PUS7: variants seen among roughly 807,000 people sequenced by gnomAD.
PUS7 encodes pseudouridine synthase 7, also known as pseudouridylate synthase 7 homolog.
Under a neutral mutation model 79.8 loss-of-function variants are expected in PUS7, and 48 were observed. The observed-to-expected ratio is 0.60, with a 90% CI of 0.48 to 0.76. The LOEUF (loss-of-function observed/expected upper bound fraction) is 0.76, where lower values mean the gene tolerates loss of function less well. PUS7 is among the 30% of genes least tolerant of loss of function. The pLI, the probability that PUS7 is intolerant of heterozygous loss-of-function variation, is 0.00. For synonymous variants in PUS7, 286 were observed against 272.2 expected (o/e 1.05, Z -0.50); for missense variants, 729 against 797.6 (o/e 0.91, Z 1.04).
intron 7 of PUS7, among the ~76,000 whole-genome samples, chr7:105,490,129 A>G (rs931636406): frequency 5.3e-5 from 8 of 151,708 alleles, no homozygotes; most frequent in Non-Finnish European, 1.0e-4. Flanking sequence ...AAAAAAAAAA[A>G]TCCGAGAAAC....
intron 1 of PUS7, among the ~76,000 whole-genome samples, chr7:105,516,400 T>G (rs933954144): frequency 6.6e-6 from 1 of 151,886 alleles, no homozygotes; most frequent in Admixed American, 6.6e-5. Flanking sequence ...CTCAAACTAG[T>G]GTCATTTTCG....
At chr7:105,516,876 A>G (rs1825916556) in intron 1 of PUS7, among the ~76,000 whole-genome samples, 1 of 152,118 alleles carries the variant, frequency 6.6e-6, no homozygotes, top group South Asian at 2.1e-4. Context: ...CCAAGGTGAG[A>G]GGCCCAAGGA....
At chr7:105,497,236 C>T (rs369772390) in intron 5 of PUS7, among the ~76,000 whole-genome samples, 1 of 152,260 alleles carries the variant, frequency 6.6e-6, no homozygotes, top group South Asian at 2.1e-4. Flanking sequence ...TGTTAGTTCA[C>T]GCTCAAAGCT....
At chr7:105,483,287 C>G (rs1824404806) in intron 7 of PUS7, among the ~76,000 whole-genome samples, 1 of 152,086 alleles carries the variant, frequency 6.6e-6, no homozygotes, top group Non-Finnish European at 1.5e-5. Context: ...CTCAGCCTCC[C>G]AAGTAGCTGG....
intron 9 of PUS7, among the ~76,000 whole-genome samples, chr7:105,472,554 T>C (rs1186925907): frequency 6.6e-6 from 1 of 152,048 alleles, no homozygotes; most frequent in African/African-American, 2.4e-5. Context: ...CTCATTAAAC[T>C]TAAAAGTAGG....
At chr7:105,497,887 T>C (rs1825100099) in intron 5 of PUS7, among the ~76,000 whole-genome samples, 1 of 152,228 alleles carries the variant, frequency 6.6e-6, no homozygotes, top group South Asian at 2.1e-4. Flanking sequence ...TCTATTTGAC[T>C]GCAAGTTTGA....
chr7:105,490,815 G>C (rs545123434), intron 7 of PUS7, among the ~76,000 whole-genome samples: 29 of 152,250 alleles, frequency 1.9e-4, no homozygotes, highest in African/African-American at 6.7e-4. Flanking sequence ...GTTCCCAATC[G>C]GGGGCAATTC....
intron 4 of PUS7, among the ~76,000 whole-genome samples, chr7:105,505,055 C>A (rs1228706188): frequency 6.8e-6 from 1 of 146,824 alleles, no homozygotes; most frequent in African/African-American, 2.5e-5. Flanking sequence ...GGCTGGAGTG[C>A]AGTGGTATGA....
intron 1 of PUS7, among the ~76,000 whole-genome samples, chr7:105,521,398 ATTTCAGCTTG>A (rs148152188): frequency 0.12 from 18,856 of 151,864 alleles, no homozygotes; most frequent in South Asian, 0.22. Context: ...GAGGACTCGA[ATTTCAGCTTG>A]CACAGCAGCA....
At chr7:105,515,085 C>T (rs186763554) in intron 1 of PUS7, among the ~76,000 whole-genome samples, 34 of 152,210 alleles carry the variant, frequency 2.2e-4, no homozygotes, top group Non-Finnish European at 4.1e-4. Flanking sequence ...TGAGCCACCG[C>T]GCCTGGCCTA....
At chr7:105,491,453 G>C in intron 7 of PUS7, 87 bp downstream of exon 7, 1 of 819,332 alleles carries the variant, frequency 1.2e-6, no homozygotes, top group Non-Finnish European at 1.9e-6. Flanking sequence ...AAAGCTGAGA[G>C]AGAAACCCCC....
chr7:105,480,634 GTCA>G (rs1824283406), intron 9 of PUS7, among the ~76,000 whole-genome samples: 1 of 152,082 alleles, frequency 6.6e-6, no homozygotes, highest in Non-Finnish European at 1.5e-5. Flanking sequence ...AAATTAGCCA[GTCA>G]TGGTGGCGCA....
intron 12 of PUS7, among the ~76,000 whole-genome samples, chr7:105,467,140 G>A (rs1823682359): frequency 6.7e-6 from 1 of 148,858 alleles, no homozygotes; most frequent in Non-Finnish European, 1.5e-5. Context: ...TAACACTGAG[G>A]CTTTAAACTA....
chr7:105,504,328 C>G (rs1825372424), intron 4 of PUS7, among the ~76,000 whole-genome samples: 1 of 152,082 alleles, frequency 6.6e-6, no homozygotes, highest in Non-Finnish European at 1.5e-5. Context: ...ACCTCGGCCT[C>G]CCAAAGTGCT....
chr7:105,502,358 C>T (rs961228946), intron 5 of PUS7, 62 bp downstream of exon 5: 17 of 1,596,452 alleles, frequency 1.1e-5, no homozygotes, highest in Admixed American at 3.5e-5. Flanking sequence ...GCAAGGCTAA[C>T]GAGGAGCGGG....
intron 11 of PUS7, chr7:105,470,161 T>A (rs1489877833): frequency 6.6e-6 from 1 of 152,196 alleles, no homozygotes; most frequent in Non-Finnish European, 1.5e-5. Flanking sequence ...CTAGGAAAAG[T>A]AAGACTTAGG....
intron 1 of PUS7, among the ~76,000 whole-genome samples, chr7:105,512,830 G>T (rs1825752364): frequency 6.6e-6 from 1 of 152,218 alleles, no homozygotes; most frequent in Non-Finnish European, 1.5e-5. Flanking sequence ...ATCTAGGCAA[G>T]AAATTAATAT....
At chr7:105,473,310 C>G (rs1823949810) in intron 9 of PUS7, among the ~76,000 whole-genome samples, 1 of 152,076 alleles carries the variant, frequency 6.6e-6, no homozygotes, top group East Asian at 2.0e-4. Flanking sequence ...AATGCAGTGG[C>G]ATGATCTTGG....
At chr7:105,471,469 T>A (rs1027733329) in intron 10 of PUS7, among the ~76,000 whole-genome samples, 40 of 152,322 alleles carry the variant, frequency 2.6e-4, no homozygotes, top group African/African-American at 8.2e-4. Flanking sequence ...TATTCATTTT[T>A]AAAATATATT....
Sources: gnomAD v4.1 joint callset for allele counts (sites outside exome capture counted in the v4.1 genomes callset) on GRCh38, gnomAD v4.1.1 for gene constraint, MANE v1.5 for transcripts, NCBI Gene and HGNC (gene_info 2026-07-23, HGNC 2026-07-21) for gene names.